DST: variants seen among roughly 807,000 people sequenced by gnomAD.
The protein encoded by DST is bullous pemphigoid antigen.
DST carries 253 observed loss-of-function variants against 875.2 expected under a neutral mutation model. That is an observed-to-expected ratio of 0.29 (90% CI 0.26 to 0.32). DST has a LOEUF of 0.32. Ranked by LOEUF, DST falls within the 10% of genes least tolerant of loss-of-function variation. DST has a pLI of 1.00. For missense variants in DST, 8,287 were observed against 9,111.6 expected, an observed-to-expected ratio of 0.91 and a Z score of 3.68; for synonymous variants, 3,124 against 3,197.1, an observed-to-expected ratio of 0.98 and a Z score of 0.77.
chr6:56,637,045 C>T (rs1004706458), intron 22 of DST, among the ~76,000 whole-genome samples: 3 of 151,918 alleles, frequency 2.0e-5, no homozygotes, highest in African/African-American at 4.8e-5. Flanking sequence ...ATTGCGCCAT[C>T]GCACTCCAGC....
chr6:56,461,030 T>C (rs1191302071), intron 102 of DST: 1 of 152,126 alleles, frequency 6.6e-6, no homozygotes, highest in Non-Finnish European at 1.5e-5. Flanking sequence ...AATAAACAAG[T>C]ATCTTGAGGA....
At chr6:56,728,358 A>G (rs1389735860) in intron 5 of DST, among the ~76,000 whole-genome samples, 1 of 152,324 alleles carries the variant, frequency 6.6e-6, no homozygotes, top group East Asian at 1.9e-4. Context: ...GTATTCTTCA[A>G]AAATGTCAAT....
At chr6:56,923,926 C>CCAG (rs1805616221) in intron 2 of DST, among the ~76,000 whole-genome samples, 1 of 152,114 alleles carries the variant, frequency 6.6e-6, no homozygotes, top group African/African-American at 2.4e-5. Context: ...GAGTTTGAGA[C>CCAG]CAGCCAGGCC....
Position 56,463,100 on chromosome 6 carries a change from C to T in DST, c.23016G>A (p.Met7672Ile), listed in dbSNP as rs1376076037. ...ACTCTGCTGCTTTACAAGGAGTTGACATTTTGCTGTTTGTCAACCATGGTT... is the reference window on the plus strand; with the variant it reads ...ACTCTGCTGCTTTACAAGGAGTTGATATTTTGCTGTTTGTCAACCATGGTT... Reference protein sequence around the residue: ...YGKPWLTNSKMSTPCKAAECS... With the variant: ...YGKPWLTNSKISTPCKAAECS... Residue 7672 changes from methionine to isoleucine, a missense_variant, in exon 102 of 104, where the codon ATG (methionine) becomes ATA (isoleucine). Met to Ile is a conservative substitution (Grantham distance 10). Around this residue, in one of 10 missense-constraint regions of DST, gnomAD observed 240 missense variants for 237.3 expected, o/e 1.01. Transcript: ENST00000680361. The T allele has an allele frequency of 3.1e-6, 5 of 1,613,630 alleles. No individual in the cohort carries two copies. The highest frequency in any genetic ancestry group is 1.7e-5 in the Admixed American group (1 of 59,984).
intron 2 of DST, among the ~76,000 whole-genome samples, chr6:56,905,764 T>C (rs1024855532): frequency 6.6e-6 from 1 of 152,012 alleles, no homozygotes; most frequent in African/African-American, 2.4e-5. Context: ...TTCTCCTGCC[T>C]CAGCCTCCCA....
chr6:56,864,709 G>A (rs190152359), intron 3 of DST, among the ~76,000 whole-genome samples: 4 of 152,050 alleles, frequency 2.6e-5, no homozygotes, highest in African/African-American at 9.7e-5. Flanking sequence ...TGCCTGCTCA[G>A]CACATACTAC....
intron 2 of DST, among the ~76,000 whole-genome samples, chr6:56,910,349 A>G (rs371734131): frequency 6.6e-6 from 1 of 152,238 alleles, no homozygotes; most frequent in African/African-American, 2.4e-5. Flanking sequence ...TAAAGAGACA[A>G]GGTCTCACAT....
intron 5 of DST, among the ~76,000 whole-genome samples, chr6:56,712,477 G>A (rs2099374715): frequency 1.3e-5 from 2 of 152,142 alleles, no homozygotes; most frequent in South Asian, 2.1e-4. Flanking sequence ...ACAAAATTTT[G>A]ATGGAAATAA....
Position 56,463,559 on chromosome 6 carries a change from T to C in DST, c.22959+6A>G. ...GTGGAGGAAAAGTCTTCATCCTGAGTCTTACCTTGGGTGTGGTGGTGGCAG... is the reference window on the plus strand; with the variant it reads ...GTGGAGGAAAAGTCTTCATCCTGAGCCTTACCTTGGGTGTGGTGGTGGCAG... On this transcript the variant is annotated splice_donor_region_variant and intron_variant, in intron 101 of 103. Transcript: ENST00000680361. 1.9e-6 allele frequency: 3 copies of C among 1,568,794 alleles called. No individual in the cohort carries two copies. The highest frequency in any genetic ancestry group is 2.6e-6 in the Non-Finnish European group (3 of 1,158,048).
chr6:56,597,679 T>C, intron 47 of DST, 61 bp downstream of exon 47: 8 of 1,536,762 alleles, frequency 5.2e-6, no homozygotes, highest in Non-Finnish European at 7.1e-6. Context: ...TGCTAGGTTA[T>C]TTCTCTCTTT....
intron 2 of DST, among the ~76,000 whole-genome samples, chr6:56,931,289 C>G (rs1810077389): frequency 6.6e-6 from 1 of 152,140 alleles, no homozygotes; most frequent in Non-Finnish European, 1.5e-5. Context: ...TGCGAGTGCA[C>G]AGAAGTCAAG....
intron 5 of DST, among the ~76,000 whole-genome samples, chr6:56,724,002 C>A (rs1370253043): frequency 1.3e-5 from 2 of 152,172 alleles, no homozygotes; most frequent in African/African-American, 2.4e-5. Flanking sequence ...TTTATTTAAT[C>A]TTCTCAACAC....
At position 56,764,971 on chromosome 6, in the gene DST, AAGGGAGGG is replaced by A. The variant is rs1165320227; in HGVS notation, c.626-29690_626-29683del. On this transcript the variant is annotated intron_variant, in intron 4 of 103. Coordinates refer to ENST00000680361, the MANE Select transcript of DST (RefSeq NM_001374736.1). Reference sequence around the variant, plus strand: ...GACTCCATCAAGGAAGGAAGGAAGAAAGGGAGGGAGGGAGGGAGGGAGGGAGGAAGGGA... The same window carrying A: ...GACTCCATCAAGGAAGGAAGGAAGAAAGGGAGGGAGGGAGGGAGGAAGGGA... Among the ~76,000 whole-genome samples the A allele has an allele frequency of 1.0e-4, 11 of 106,998 alleles. 1 individual carries two copies. Among genetic ancestry groups the A allele is most frequent in the Admixed American group, 4.4e-4 (5 of 11,392 alleles). 70.2% of individuals were successfully genotyped at this position (106,998 alleles called of 152,430 possible). A position where few individuals can be genotyped will look rare whatever the true frequency, so the allele number is the denominator to read the frequency against.
chr6:56,577,416 CT>C (rs2097889082), intron 50 of DST, among the ~76,000 whole-genome samples: 1 of 152,116 alleles, frequency 6.6e-6, no homozygotes, highest in African/African-American at 2.4e-5. Context: ...TCATTTTATA[CT>C]TTAAAACTCT....
chr6:56,772,372 A>G (rs2099668386), intron 4 of DST, among the ~76,000 whole-genome samples: 2 of 152,162 alleles, frequency 1.3e-5, no homozygotes, highest in Admixed American at 1.3e-4. Flanking sequence ...ATGTGATGAT[A>G]CTGCCCATAC....
intron 54 of DST, among the ~76,000 whole-genome samples, chr6:56,569,325 G>GA (rs755987516): frequency 0.023 from 2,150 of 94,538 alleles, 85 homozygotes; most frequent in African/African-American, 0.066. Context: ...ACTCTGTCTC[G>GA]AAAAAAAAAA....
At chr6:56,503,289 G>T (rs1236825985) in intron 78 of DST, among the ~76,000 whole-genome samples, 1 of 151,888 alleles carries the variant, frequency 6.6e-6, no homozygotes, top group Non-Finnish European at 1.5e-5. Flanking sequence ...AGTATAATTG[G>T]ATTATTTGCA....
intron 4 of DST, among the ~76,000 whole-genome samples, chr6:56,776,017 T>C (rs536927979): frequency 9.2e-5 from 14 of 152,336 alleles, no homozygotes; most frequent in African/African-American, 3.4e-4. Flanking sequence ...GAAAGAAACC[T>C]GGCAAACTTT....
chr6:56,782,675 C>T (rs1433184088), intron 4 of DST, among the ~76,000 whole-genome samples: 2 of 152,104 alleles, frequency 1.3e-5, no homozygotes, highest in Admixed American at 6.5e-5. Context: ...AAAAAACCAG[C>T]TCCTGGATTC....
Sources: gnomAD v4.1 joint callset for allele counts (sites outside exome capture counted in the v4.1 genomes callset) on GRCh38, gnomAD v4.1.1 for gene constraint, gnomAD v4.1.1 regional missense constraint, MANE v1.5 for transcripts, NCBI Gene and HGNC (gene_info 2026-07-23, HGNC 2026-07-21) for gene names.